Variants in EIF4G3 observed in about 807,000 individuals in gnomAD.
EIF4G3 encodes the protein eIF-4-gamma 3.
In EIF4G3, 34 loss-of-function variants were observed where a neutral mutation model predicts 186.4. The ratio of observed to expected loss-of-function variants is 0.18; its 90% CI spans 0.14 to 0.24. EIF4G3 has a LOEUF of 0.24. EIF4G3 is among the 10% of genes least tolerant of loss of function. EIF4G3 has a pLI of 1.00. For missense variants in EIF4G3, 1,536 were observed against 1,948.5 expected (o/e 0.79, Z 3.99); for synonymous variants, 673 against 679.5 (o/e 0.99, Z 0.15).
chr1:20,851,967 A>C (rs570273937), intron 27 of EIF4G3, among the ~76,000 whole-genome samples: 1 of 152,318 alleles, frequency 6.6e-6, no homozygotes, highest in South Asian at 2.1e-4. Flanking sequence ...GCAGTGAGCC[A>C]AGATTGCGCC....
intron 15 of EIF4G3, among the ~76,000 whole-genome samples, chr1:20,904,543 C>T (rs1304575436): frequency 2.0e-5 from 3 of 152,022 alleles, no homozygotes; most frequent in African/African-American, 7.2e-5. Flanking sequence ...CAGTCAGGGT[C>T]TCCTTATGTT....
At chr1:21,001,499 C>CAGGGCCTAT (rs2083490113) in intron 5 of EIF4G3, among the ~76,000 whole-genome samples, 187 bp from the exon 6 acceptor site, 1 of 152,166 alleles carries the variant, frequency 6.6e-6, no homozygotes, top group African/African-American at 2.4e-5. Context: ...TTATTAGAAC[C>CAGGGCCTAT]AGGGCCTATC....
intron 4 of EIF4G3, among the ~76,000 whole-genome samples, chr1:21,031,144 C>CCACTGCA (rs1360938715): frequency 6.6e-6 from 1 of 151,884 alleles, no homozygotes; most frequent in Non-Finnish European, 1.5e-5. Context: ...CAAGATCACA[C>CCACTGCA]CACTGCACTC....
chr1:20,929,660 G>A (rs948476065), intron 14 of EIF4G3: 2 of 152,102 alleles, frequency 1.3e-5, no homozygotes, highest in Admixed American at 1.3e-4. Context: ...GTTGTGCTAA[G>A]TACTTTACAT....
chr1:20,852,583 A>G (rs1405035072), intron 27 of EIF4G3, among the ~76,000 whole-genome samples: 3 of 152,168 alleles, frequency 2.0e-5, no homozygotes, highest in East Asian at 1.9e-4. Context: ...CTTTTAGACA[A>G]TTCTAACCAG....
chr1:21,151,236 C>CTTTTTTTTTTTT lies in EIF4G3; in HGVS notation c.-272+24927_-272+24938dup, dbSNP rs71014161. Among the ~76,000 whole-genome samples, 443 of 80,418 alleles carry CTTTTTTTTTTTT rather than the reference C, an allele frequency of 5.5e-3. 33 individuals are homozygous for CTTTTTTTTTTTT. Among genetic ancestry groups the CTTTTTTTTTTTT allele is most frequent in the Middle Eastern group, 0.036 (2 of 56 alleles). The allele number at this position is 80,418 out of a possible 152,430, so 52.8% of individuals were successfully genotyped here. On this transcript the variant is annotated intron_variant, in intron 2 of 36. Coordinates refer to ENST00000602326, the MANE Select transcript of EIF4G3 (RefSeq NM_001391906.1). ...TTTAATGGTTATATAGTATTTCTTT[C>CTTTTTTTTTTTT]TTTTTTTTTTTTTTTTTTTTGAGAT...
chr1:21,144,670 G>A (rs1254178919), intron 2 of EIF4G3, among the ~76,000 whole-genome samples: 2 of 152,116 alleles, frequency 1.3e-5, no homozygotes, highest in Non-Finnish European at 2.9e-5. Flanking sequence ...AGCCTAAATA[G>A]TAAAATGGCT....
chr1:20,900,009 C>T (rs973284032), intron 15 of EIF4G3, 66 bp from the exon 16 acceptor site: 46 of 1,458,180 alleles, frequency 3.2e-5, no homozygotes, highest in Admixed American at 6.6e-5. Context: ...TAAAAACCTA[C>T]ATCTACTCCC....
At chr1:21,068,152 CA>C (rs1415512396) in intron 3 of EIF4G3, among the ~76,000 whole-genome samples, 1 of 151,738 alleles carries the variant, frequency 6.6e-6, no homozygotes, top group Non-Finnish European at 1.5e-5. Context: ...GTGGGTGTAT[CA>C]CCTGAGGTCA....
At chr1:20,947,704 G>GTATTTAT (rs1573343982) in intron 13 of EIF4G3, among the ~76,000 whole-genome samples, 1 of 152,296 alleles carries the variant, frequency 6.6e-6, no homozygotes, top group Admixed American at 6.5e-5. Flanking sequence ...AGTAATTCCA[G>GTATTTAT]AGCATTAGTT....
chr1:21,146,585 C>G (rs1409793741), intron 2 of EIF4G3, among the ~76,000 whole-genome samples: 1 of 151,710 alleles, frequency 6.6e-6, no homozygotes, highest in African/African-American at 2.4e-5. Context: ...CATGGCCAGT[C>G]TCTACTAAAA....
In EIF4G3 at chr1:21,050,802, AG is replaced by A. The variant is rs11301419; in HGVS notation, c.-67+63del. On this transcript the variant is annotated intron_variant, in intron 4 of 36. Coordinates refer to ENST00000602326, the MANE Select transcript of EIF4G3 (RefSeq NM_001391906.1). ...TATGTTACTGCTTAGGAGTCTCTTT[AG>A]AAAAACAAAAATGATGCCTTTACAG... is the stretch of plus-strand genomic sequence containing the variant. 7,400 of 675,696 alleles carry A rather than the reference AG, an allele frequency of 0.011. 371 individuals carry two copies. In the African/African-American group the frequency reaches 0.11, roughly 10 times the overall value. The allele number at this position is 675,696 out of a possible 1,614,324, so 41.9% of individuals were successfully genotyped here.
intron 3 of EIF4G3, among the ~76,000 whole-genome samples, chr1:21,068,493 T>C (rs866494641): frequency 3.3e-5 from 5 of 151,922 alleles, no homozygotes; most frequent in Admixed American, 1.3e-4. Flanking sequence ...TAAATAAAGG[T>C]TGTCATAAGT....
At chr1:21,145,309 T>TA (rs1337553287) in intron 2 of EIF4G3, among the ~76,000 whole-genome samples, 3 of 143,508 alleles carry the variant, frequency 2.1e-5, no homozygotes, top group Non-Finnish European at 3.1e-5. Flanking sequence ...GAATCAGAGC[T>TA]AAAAAACAAA....
intron 36 of EIF4G3, among the ~76,000 whole-genome samples, chr1:20,808,949 C>T (rs770962949): frequency 5.3e-5 from 8 of 151,778 alleles, no homozygotes; most frequent in Non-Finnish European, 1.2e-4. Flanking sequence ...AAATGCTAAT[C>T]AATATTAGGT....
chr1:20,811,031 C>T (rs919935535), intron 35 of EIF4G3, 147 bp from the exon 36 acceptor site: 4 of 696,502 alleles, frequency 5.7e-6, no homozygotes, highest in Non-Finnish European at 6.7e-6. Context: ...CTCACTGCAA[C>T]CTCCGTCTCC....
At chr1:21,105,992 A>C (rs999854287) in intron 2 of EIF4G3, among the ~76,000 whole-genome samples, 1 of 152,050 alleles carries the variant, frequency 6.6e-6, no homozygotes, top group African/African-American at 2.4e-5. Flanking sequence ...GCCTGAGCCA[A>C]GGAGTTCAAG....
At chr1:21,176,675 AG>A (rs758510070) in intron 1 of EIF4G3, 46 bp downstream of exon 1, 1,045 of 500,898 alleles carry the variant, frequency 2.1e-3, no homozygotes, top group Non-Finnish European at 2.3e-3. Context: ...ACGCGACCCC[AG>A]GGGGGGGGCC....
intron 2 of EIF4G3, among the ~76,000 whole-genome samples, chr1:21,141,377 T>TTGTGTGTGTGTGTGTG (rs10627733): frequency 0.031 from 4,444 of 145,184 alleles, 130 homozygotes; most frequent in Admixed American, 0.097. Flanking sequence ...TATTTTTTCT[T>TTGTGTGTGTGTGTGTG]TGTGTGTGTG....
Sources: allele counts gnomAD v4.1 joint callset (sites outside exome capture counted in the v4.1 genomes callset), GRCh38; gene constraint gnomAD v4.1.1; transcripts MANE v1.5; gene names NCBI Gene and HGNC (gene_info 2026-07-23, HGNC 2026-07-21).